The following TBCK variants were observed in gnomAD, a reference collection of about 807,000 sequenced individuals.
TBCK encodes the protein TBC domain-containing protein kinase-like protein.
A neutral mutation model predicts 113.4 loss-of-function variants in TBCK; 99 were observed. The observed-to-expected ratio is 0.87, with a 90% CI of 0.74 to 1.03. The LOEUF is 1.03. Among genes scored for constraint, TBCK ranks in the 50% least tolerant of loss-of-function variants. The pLI is 0.00. For missense variants in TBCK, 1,045 were observed against 1,061.3 expected, an observed-to-expected ratio of 0.98 and a Z score of 0.21; for synonymous variants, 369 against 370.8, an observed-to-expected ratio of 1.00 and a Z score of 0.05.
chr4:106,103,597 A>G (rs1415095756), intron 24 of TBCK, among the ~76,000 whole-genome samples: 1 of 152,242 alleles, frequency 6.6e-6, no homozygotes, highest in Non-Finnish European at 1.5e-5. Flanking sequence ...TCAGTAAAAC[A>G]GAGATAACAA....
chr4:106,088,108 C>G (rs1739728540), intron 25 of TBCK, among the ~76,000 whole-genome samples: 1 of 152,146 alleles, frequency 6.6e-6, no homozygotes, highest in Admixed American at 6.5e-5. Context: ...CAAATGGGAT[C>G]TAATTAAACT....
chr4:106,117,337 G>A (rs1743641501), intron 23 of TBCK, among the ~76,000 whole-genome samples: 1 of 152,098 alleles, frequency 6.6e-6, no homozygotes, highest in African/African-American at 2.4e-5. Context: ...AAAGAAACTG[G>A]TTCTAATATA....
chr4:106,152,562 T>G (rs1748622932), intron 23 of TBCK, among the ~76,000 whole-genome samples: 1 of 152,022 alleles, frequency 6.6e-6, no homozygotes, highest in Non-Finnish European at 1.5e-5. Context: ...TGATTTGTGT[T>G]TATCTGGTTT....
intron 20 of TBCK, 70 bp downstream of exon 20, chr4:106,212,680 A>G (rs1214397131): frequency 9.1e-6 from 10 of 1,104,654 alleles, no homozygotes; most frequent in Non-Finnish European, 1.3e-5. Context: ...AAGAAAATAC[A>G]CTCTTCTGTG....
chr4:106,300,306 A>G (rs1328612435), intron 2 of TBCK, among the ~76,000 whole-genome samples: 2 of 152,222 alleles, frequency 1.3e-5, no homozygotes, highest in Non-Finnish European at 2.9e-5. Context: ...TACAAAGTTA[A>G]CACTAAGAAA....
At chr4:106,053,541 C>T (rs934816923) in intron 25 of TBCK, among the ~76,000 whole-genome samples, 1 of 151,594 alleles carries the variant, frequency 6.6e-6, no homozygotes, top group Non-Finnish European at 1.5e-5. Flanking sequence ...ACTTCGTGCT[C>T]CATTGCTTAG....
chr4:106,271,764 A>AC (rs1331009528), intron 3 of TBCK, among the ~76,000 whole-genome samples: 1 of 151,850 alleles, frequency 6.6e-6, no homozygotes, highest in African/African-American at 2.4e-5. Flanking sequence ...AAAAAAAAAA[A>AC]AACAAAACAA....
At chr4:106,168,471 T>G (rs1750642544) in intron 23 of TBCK, among the ~76,000 whole-genome samples, 1 of 151,952 alleles carries the variant, frequency 6.6e-6, no homozygotes, top group Non-Finnish European at 1.5e-5. Context: ...TTTTTAACAT[T>G]ATATTAGATG....
chr4:106,274,652 G>C lies in TBCK; in HGVS notation c.267-12440C>G, dbSNP rs370265223. Among the ~76,000 whole-genome samples the C allele has an allele frequency of 7.9e-5, 12 of 152,176 alleles. No homozygotes were observed. In the East Asian group the frequency reaches 1.9e-3, roughly 24 times the overall value. On this transcript the variant is annotated intron_variant, in intron 3 of 25. Coordinates refer to ENST00000394708, the MANE Select transcript of TBCK (RefSeq NM_001163435.3). ...ATTCATACAGGAAGTAAGTGGATTA[G>C]TGGTTTCCAGGGGTGGGGAGAGAGA...
chr4:106,299,645 G>T (rs776298331), intron 2 of TBCK, among the ~76,000 whole-genome samples: 3 of 152,076 alleles, frequency 2.0e-5, no homozygotes, highest in Non-Finnish European at 4.4e-5. Context: ...TTTCCAATAT[G>T]AACCATTTTT....
At chr4:106,171,312 G>T (rs936948782) in intron 22 of TBCK, 42 bp from the exon 23 acceptor site, 1 of 1,488,940 alleles carries the variant, frequency 6.7e-7, no homozygotes, top group Admixed American at 1.9e-5. Context: ...ATAGAATTTA[G>T]ATTGCTCTTT....
chr4:106,149,824 CAAT>C (rs1297959038), intron 23 of TBCK, among the ~76,000 whole-genome samples: 1 of 152,128 alleles, frequency 6.6e-6, no homozygotes, highest in Non-Finnish European at 1.5e-5. Flanking sequence ...TATAAAACAG[CAAT>C]AACAGTGAAA....
Position 106,247,227 on chromosome 4 carries a change from G to A in TBCK, c.843C>T (p.Thr281=), listed in dbSNP as rs1265831968. ...ACAGACTGGCAGGTTTGGTAAAGGG[G>A]GTATATAAAGGTGATACCTCACTGA... ...KVFSEVSPLY[T]PFTKPASLFS... Residue 281 remains threonine (T), a synonymous_variant, in exon 10 of 26, where the codon ACC becomes ACT. Transcript: ENST00000394708. The A allele has an allele frequency of 1.2e-6, 2 of 1,612,806 alleles. No homozygotes were observed. The highest frequency in any genetic ancestry group is 2.2e-5 in the East Asian group (1 of 44,816).
chr4:106,257,323 A>G (rs1762098002), intron 5 of TBCK, among the ~76,000 whole-genome samples: 1 of 152,192 alleles, frequency 6.6e-6, no homozygotes, highest in African/African-American at 2.4e-5. Flanking sequence ...ATGTCCTCTT[A>G]CAATGATAAG....
chr4:106,199,846 T>C (rs1449377606), intron 20 of TBCK, among the ~76,000 whole-genome samples: 1 of 152,212 alleles, frequency 6.6e-6, no homozygotes, highest in Non-Finnish European at 1.5e-5. Flanking sequence ...ACTATTGCAA[T>C]AGTCCATGAC....
chr4:106,077,078 GAGAT>G (rs970727266), intron 25 of TBCK, among the ~76,000 whole-genome samples: 8 of 152,086 alleles, frequency 5.3e-5, no homozygotes, highest in Non-Finnish European at 7.3e-5. Context: ...TCCAGCTGGG[GAGAT>G]AGATAGAGCA....
At chr4:106,117,874 C>A (rs1743733995) in intron 23 of TBCK, among the ~76,000 whole-genome samples, 1 of 151,740 alleles carries the variant, frequency 6.6e-6, no homozygotes, top group Non-Finnish European at 1.5e-5. Context: ...CCGGGCGTGG[C>A]AGTGGGCGCC....
intron 23 of TBCK, among the ~76,000 whole-genome samples, chr4:106,117,089 T>G (rs1385360078): frequency 6.6e-6 from 1 of 152,102 alleles, no homozygotes; most frequent in Non-Finnish European, 1.5e-5. Flanking sequence ...TGAGGTTTAC[T>G]TCTTTGTTAT....
intron 1 of TBCK, among the ~76,000 whole-genome samples, chr4:106,311,563 A>G (rs532553151): frequency 6.6e-6 from 1 of 152,310 alleles, no homozygotes; most frequent in Admixed American, 6.5e-5. Flanking sequence ...GGAATTTAAA[A>G]AAAATACTCA....
Sources: gnomAD v4.1 joint callset for allele counts (sites outside exome capture counted in the v4.1 genomes callset) on GRCh38, gnomAD v4.1.1 for gene constraint, MANE v1.5 for transcripts, NCBI Gene and HGNC (gene_info 2026-07-23, HGNC 2026-07-21) for gene names.